SCOC: variants seen among roughly 807,000 people sequenced by gnomAD.
SCOC encodes the protein short coiled coil protein.
In SCOC, 7 loss-of-function variants were observed where a neutral mutation model predicts 9.9. That is an observed-to-expected ratio of 0.71 (90% CI 0.40 to 1.33). SCOC has a LOEUF of 1.33. Ranked by LOEUF, SCOC falls within the 40% of genes most tolerant of loss-of-function variation. The pLI is 0.01. For synonymous variants in SCOC, 19 were observed against 28.2 expected (o/e 0.67, Z 1.03); for missense variants, 66 against 89.7 (o/e 0.74, Z 1.07).
intron 1 of SCOC, among the ~76,000 whole-genome samples, chr4:140,262,869 CA>C: frequency 6.6e-6 from 1 of 151,844 alleles, no homozygotes; most frequent in Non-Finnish European, 1.5e-5. Context: ...TTCAAACAAC[CA>C]GATCTTTTGA....
At chr4:140,316,286 C>T (rs527929460) in intron 1 of SCOC, among the ~76,000 whole-genome samples, 11 of 152,114 alleles carry the variant, frequency 7.2e-5, no homozygotes, top group Non-Finnish European at 1.2e-4. Context: ...TGGGTCAGAT[C>T]GGGGACAGTT....
At position 140,308,651 on chromosome 4, in the gene SCOC, G is replaced by A. The variant is rs181607772; in HGVS notation, c.-18-34970G>A. Among the ~76,000 whole-genome samples, 4 of 152,298 alleles carry A rather than the reference G, an allele frequency of 2.6e-5. No individual in the cohort carries two copies. The East Asian group carries it at 7.7e-4, about 29-fold the overall frequency. ...CTTGCCGGCTTGTCTGTGCACGCAC[G>A]CTCATGCACTCACATTCACTGAGAG... On this transcript the variant is annotated intron_variant, in intron 1 of 4. Transcript: ENST00000394205.
chr4:140,321,370 A>G (rs1732495128), intron 1 of SCOC, among the ~76,000 whole-genome samples: 1 of 152,196 alleles, frequency 6.6e-6, no homozygotes, highest in Non-Finnish European at 1.5e-5. Flanking sequence ...CAGCCTCATA[A>G]ACATGTTGGA....
At chr4:140,295,716 C>T (rs570789508) in intron 1 of SCOC, among the ~76,000 whole-genome samples, 71 of 151,772 alleles carry the variant, frequency 4.7e-4, no homozygotes, top group African/African-American at 1.6e-3. Flanking sequence ...CCGAGGTGGG[C>T]GGATCACGAG....
At chr4:140,353,264 T>C (rs1375368910) in intron 2 of SCOC, among the ~76,000 whole-genome samples, 2 of 152,162 alleles carry the variant, frequency 1.3e-5, no homozygotes, top group African/African-American at 4.8e-5. Context: ...GAAATAAACA[T>C]TTTAAATGAT....
rs182316569 is a variant in SCOC at position 140,325,901 on chromosome 4, C to T, written c.-18-17720C>T. Among the ~76,000 whole-genome samples the T allele has an allele frequency of 1.1e-4, 17 of 152,278 alleles. 1 individual carries two copies. In the East Asian group the frequency reaches 3.1e-3, roughly 28 times the overall value. ...TAAAAATGTGTATAACAACTTTATT[C>T]ACAGTCATTCCAAACGAGAAACAGC... On this transcript the variant is annotated intron_variant, in intron 1 of 4. Transcript: ENST00000394205.
At chr4:140,340,808 T>TTTTTTTC (rs140552446), upstream of SCOC, among the ~76,000 whole-genome samples, 342 of 111,842 alleles carry the variant, frequency 3.1e-3, 60 homozygotes, top group Admixed American at 4.5e-3. Context: ...TTTTTTTTTT[T>TTTTTTTC]AGAGGGATAG....
At chr4:140,275,588 T>G (rs1730960667) in intron 1 of SCOC, among the ~76,000 whole-genome samples, 1 of 152,198 alleles carries the variant, frequency 6.6e-6, no homozygotes, top group Admixed American at 6.5e-5. Flanking sequence ...AATTAGATTA[T>G]TAACTTCTAG....
intron 3 of SCOC, among the ~76,000 whole-genome samples, chr4:140,380,004 T>G (rs1728503888): frequency 6.6e-6 from 1 of 152,078 alleles, no homozygotes; most frequent in East Asian, 1.9e-4. Context: ...TCATCTGAAT[T>G]TTTTCATTTT....
upstream of SCOC, among the ~76,000 whole-genome samples, chr4:140,339,942 C>T (rs1196399466): frequency 2.6e-5 from 4 of 152,186 alleles, no homozygotes; most frequent in Admixed American, 2.6e-4. Flanking sequence ...CCAGCCATCC[C>T]ATTACTGGGT....
chr4:140,348,602 C>G (rs1726845563), intron 2 of SCOC, among the ~76,000 whole-genome samples: 1 of 148,018 alleles, frequency 6.8e-6, no homozygotes, highest in African/African-American at 2.5e-5. Context: ...ATCACATTTT[C>G]TTTATTCATC....
rs143163523 is a variant in SCOC at position 140,329,374 on chromosome 4, T to A, written c.-18-14247T>A. Among the ~76,000 whole-genome samples, 985 of 152,180 alleles carry A rather than the reference T, an allele frequency of 6.5e-3. 7 individuals are homozygous for A. The highest frequency in any genetic ancestry group is 0.012 in the Non-Finnish European group (804 of 67,980). ...AGATGATAACATTGGAAAAACCCTATTAGACATTTGCTTAGGCAAAGACTT... is the reference window on the plus strand; with the variant it reads ...AGATGATAACATTGGAAAAACCCTAATAGACATTTGCTTAGGCAAAGACTT... On this transcript the variant is annotated intron_variant, in intron 1 of 4. Coordinates refer to the SCOC transcript ENST00000394205.
intron 2 of SCOC, among the ~76,000 whole-genome samples, chr4:140,351,421 C>T (rs1395199668): frequency 6.6e-6 from 1 of 152,124 alleles, no homozygotes; most frequent in Non-Finnish European, 1.5e-5. Flanking sequence ...CGCCGCCTCC[C>T]CGTCGATGTC....
chr4:140,343,511 T>G, intron 1 of SCOC: 1 of 663,308 alleles, frequency 1.5e-6, no homozygotes, highest in Middle Eastern at 2.5e-4. Context: ...GGGTGGCTAG[T>G]GCAAGGATCA....
At chr4:140,340,783 C>CTTTTTTTTTTTTTTTTTTTTTTTT (rs36136647), upstream of SCOC, among the ~76,000 whole-genome samples, 2 of 40,476 alleles carry the variant, frequency 4.9e-5, 1 homozygote. Flanking sequence ...TGCTGCCTAA[C>CTTTTTTTTTTTTTTTTTTTTTTTT]TTTTTTTTTT....
At chr4:140,309,015 T>C (rs1232205046) in intron 1 of SCOC, among the ~76,000 whole-genome samples, 3 of 152,088 alleles carry the variant, frequency 2.0e-5, no homozygotes, top group Non-Finnish European at 4.4e-5. Flanking sequence ...AATAAACATC[T>C]GGGTGAAGAG....
intron 1 of SCOC, among the ~76,000 whole-genome samples, chr4:140,261,540 G>T (rs1730634154): frequency 6.6e-6 from 1 of 152,202 alleles, no homozygotes; most frequent in Admixed American, 6.5e-5. Flanking sequence ...AAGGCTGAGT[G>T]CCCTCTGCAT....
chr4:140,322,022 T>C (rs548804701), intron 1 of SCOC, among the ~76,000 whole-genome samples: 2 of 152,316 alleles, frequency 1.3e-5, no homozygotes, highest in Non-Finnish European at 2.9e-5. Flanking sequence ...CAAGGAGCTC[T>C]AGCTAGCATC....
intron 2 of SCOC, chr4:140,360,750 A>G (rs1424009838): frequency 6.6e-6 from 1 of 152,252 alleles, no homozygotes; most frequent in Non-Finnish European, 1.5e-5. Flanking sequence ...GGCAGGGGCT[A>G]TATCAATGGA....
Sources: allele counts gnomAD v4.1 joint callset (sites outside exome capture counted in the v4.1 genomes callset), GRCh38; gene constraint gnomAD v4.1.1; transcripts MANE v1.5; gene names NCBI Gene and HGNC (gene_info 2026-07-23, HGNC 2026-07-21).